Variants in RMND5B observed in about 807,000 individuals in gnomAD.
RMND5B encodes required for meiotic nuclear division 5 homolog B, also known as E3 ubiquitin-protein transferase RMND5B.
Under a neutral mutation model 50.4 loss-of-function variants are expected in RMND5B, and 42 were observed. The observed-to-expected ratio is 0.83, with a 90% confidence interval of 0.65 to 1.08. RMND5B has a LOEUF of 1.08. Ranked by LOEUF, RMND5B falls within the 50% of genes least tolerant of loss-of-function variation. RMND5B has a pLI of 0.00. For missense variants in RMND5B, 463 were observed against 508.5 expected (o/e 0.91, Z 0.86); for synonymous variants, 220 against 210.0 (o/e 1.05, Z -0.41).
chr5:178,131,639 GGTCA>G (rs1160332301), intron 2 of RMND5B, among the ~76,000 whole-genome samples: 2 of 152,174 alleles, frequency 1.3e-5, no homozygotes, highest in East Asian at 1.9e-4. Context: ...GGGGCGGAGG[GGTCA>G]GTATTAGATA....
Position 178,144,042 on chromosome 5 carries a change from G to A in RMND5B, c.628G>A (p.Ala210Thr), listed in dbSNP as rs369617974. ...CATCCGCCTCTTGGCAGGAGGCCCC[G>A]CGAAGCAGCTGGAGGCCCTCAGCTA... ...HFIRLLAGGP[A>T]KQLEALSYAR... Residue 210 changes from alanine to threonine, a missense_variant, in exon 7 of 11, where the codon GCG (alanine) becomes ACG (threonine). Transcript: ENST00000313386. 2.5e-5 allele frequency: 40 copies of A among 1,614,104 alleles called. No individual in the cohort carries two copies. The highest frequency in any genetic ancestry group is 4.5e-5 in the East Asian group (2 of 44,898).
chr5:178,144,907 C>A (rs1755906295), intron 7 of RMND5B, among the ~76,000 whole-genome samples: 1 of 152,104 alleles, frequency 6.6e-6, no homozygotes. Flanking sequence ...CTCTTCCTGT[C>A]ATGCTAGAAT....
At chr5:178,145,980 C>A in intron 7 of RMND5B, 134 bp from the exon 8 acceptor site, 1 of 854,110 alleles carries the variant, frequency 1.2e-6, no homozygotes, top group Non-Finnish European at 1.7e-6. Flanking sequence ...ATTTTCATCC[C>A]TGCTCAGTCT....
In RMND5B at chr5:178,142,846, C is replaced by G; in HGVS notation, c.286-6C>G. 1.2e-6 allele frequency: 2 copies of G among 1,614,090 alleles called. No homozygotes were observed. The highest frequency in any genetic ancestry group is 1.7e-6 in the Non-Finnish European group (2 of 1,179,962). On this transcript the variant is annotated splice_region_variant and splice_polypyrimidine_tract_variant and intron_variant, in intron 4 of 10. Coordinates refer to ENST00000313386, the MANE Select transcript of RMND5B (RefSeq NM_022762.5). Reference sequence around the variant, plus strand: ...TCACCAGGCCCTGTCTCTCCTCCTTCGTCAGAACTTCGACTCTGAGATCTG... The same window carrying G: ...TCACCAGGCCCTGTCTCTCCTCCTTGGTCAGAACTTCGACTCTGAGATCTG...
intron 2 of RMND5B, among the ~76,000 whole-genome samples, chr5:178,134,848 G>T (rs958111275): frequency 6.6e-6 from 1 of 151,036 alleles, no homozygotes; most frequent in Non-Finnish European, 1.5e-5. Flanking sequence ...GTGTGGTGGT[G>T]CACCTGTAAT....
chr5:178,147,591 C>G lies in RMND5B; in HGVS notation c.919C>G (p.Gln307Glu), dbSNP rs774597195. Residue 307 changes from glutamine (Q) to glutamate (E), a missense_variant, in exon 9 of 11, where the codon CAG becomes GAG. Physicochemically the swap from Gln to Glu is conservative, Grantham distance 29. Coordinates refer to ENST00000313386, the MANE Select transcript of RMND5B (RefSeq NM_022762.5). ...GATGAACATCAAGGCTGTGATTGAG[C>G]AGCGGCAGTGCACTGGGGTCTGGAA... ...VLMNIKAVIEQRQCTGVWNHK... is the reference protein window; with the variant it reads ...VLMNIKAVIEERQCTGVWNHK... 1 of 1,614,124 alleles carries G rather than the reference C, an allele frequency of 6.2e-7. No homozygotes were observed. The highest frequency in any genetic ancestry group is 8.5e-7 in the Non-Finnish European group (1 of 1,179,994).
intron 8 of RMND5B, chr5:178,147,229 T>C (rs1756060126): frequency 5.0e-6 from 2 of 403,386 alleles, no homozygotes; most frequent in Non-Finnish European, 9.0e-6. Flanking sequence ...CTGCTCACTG[T>C]TCCCTAGTCA....
chr5:178,146,933 C>T (rs575161541), intron 8 of RMND5B: 30 of 158,884 alleles, frequency 1.9e-4, no homozygotes, highest in Non-Finnish European at 3.5e-4. Flanking sequence ...ACTGATTCTA[C>T]GCTCATCTGA....
Position 178,149,673 on chromosome 5 carries a change from T to C in RMND5B, c.*1641T>C, listed in dbSNP as rs368990230. ...GCCAGTCGTCCTGCTGCCAGCCCAATAGCTTCCAGCGGCAGGTGCCCAGGT... is the reference window on the plus strand; with the variant it reads ...GCCAGTCGTCCTGCTGCCAGCCCAACAGCTTCCAGCGGCAGGTGCCCAGGT... On this transcript the variant is annotated 3_prime_UTR_variant, in exon 11 of 11. Transcript: ENST00000313386. 420 of 1,611,738 alleles carry C rather than the reference T, an allele frequency of 2.6e-4. 1 individual carries two copies. The highest frequency in any genetic ancestry group is 1.9e-3 in the Middle Eastern group (10 of 5,162).
At chr5:178,144,687 C>A (rs1755886672) in intron 7 of RMND5B, among the ~76,000 whole-genome samples, 1 of 144,570 alleles carries the variant, frequency 6.9e-6, no homozygotes, top group African/African-American at 2.6e-5. Flanking sequence ...CCACTGCACT[C>A]CAGCCTGGGT....
At position 178,138,904 on chromosome 5, in the gene RMND5B, T is replaced by A. The variant is rs1758766398; in HGVS notation, c.139+646T>A. 6.6e-6 allele frequency among the ~76,000 whole-genome samples: 1 copy of A among 152,152 alleles called. No homozygotes were observed. The highest frequency in any genetic ancestry group is 2.4e-5 in the African/African-American group (1 of 41,448). The stretch of plus-strand genomic sequence containing the variant: ...CTCTTACATAAAAACAGCGTAGTTA[T>A]TAAAACCCAGAAATTGCCAGGCACA... On this transcript the variant is annotated intron_variant, in intron 3 of 10. Transcript: ENST00000313386. The surrounding 1 kb of genome is among the most constrained non-coding windows in gnomAD (Gnocchi z 5.1).
rs1758738671 is a variant in RMND5B, at chr5:178,138,468, C to A, written c.139+210C>A. The A allele has an allele frequency of 1.5e-6, 2 of 1,297,240 alleles. No homozygotes were observed. Among genetic ancestry groups the A allele is most frequent in the Non-Finnish European group, 1.0e-6 (1 of 1,001,764 alleles). 80.4% of individuals were successfully genotyped at this position (1,297,240 alleles called of 1,614,324 possible). A position where few individuals can be genotyped will look rare whatever the true frequency, so the allele number is the denominator to read the frequency against. ...ATTTACCTGAGATGATTCCCATTTA[C>A]ATTTTGTTTTCAACTTACTTTTCTA... On this transcript the variant is annotated intron_variant, in intron 3 of 10. Coordinates refer to ENST00000313386, the MANE Select transcript of RMND5B (RefSeq NM_022762.5). This position sits in a 1 kb window ranked among gnomAD's most constrained non-coding sequence, Gnocchi z 5.1.
intron 2 of RMND5B, among the ~76,000 whole-genome samples, chr5:178,132,739 T>TA: frequency 1.0e-5 from 1 of 99,820 alleles, no homozygotes; most frequent in Admixed American, 9.7e-5. Flanking sequence ...GTCTCTCTCT[T>TA]TTTTTTTTTT....
rs185760737 is a variant in RMND5B at position 178,132,330 on chromosome 5, A to G, written c.-13+954A>G. 1.7e-3 allele frequency among the ~76,000 whole-genome samples: 265 copies of G among 152,178 alleles called. 1 individual carries two copies. Among genetic ancestry groups the G allele is most frequent in the African/African-American group, 6.0e-3 (250 of 41,514 alleles). ...GTGGCAGGTGTCTGTAATTCCAGCT[A>G]CTTGGGAGGCTGAGGCAGGAGAATC... is the stretch of plus-strand genomic sequence containing the variant. On this transcript the variant is annotated intron_variant, in intron 2 of 10. Transcript: ENST00000313386.
In RMND5B at chr5:178,148,511, A is replaced by G; in HGVS notation, c.*479A>G. The G allele has an allele frequency of 5.5e-6, 1 of 180,394 alleles. No homozygotes were observed. The highest frequency in any genetic ancestry group is 1.3e-4 in the South Asian group (1 of 7,720). The allele number at this position is 180,394 out of a possible 1,614,324, so 11.2% of individuals were successfully genotyped here. ...TCTCCCACTGTAAATAGTCCCAGTTAGAACGGAATGCCGTTGTTTTATAAC... is the reference window on the plus strand; with the variant it reads ...TCTCCCACTGTAAATAGTCCCAGTTGGAACGGAATGCCGTTGTTTTATAAC... On this transcript the variant is annotated 3_prime_UTR_variant, in exon 11 of 11. Transcript: ENST00000313386.
rs766232502 is a variant in RMND5B at position 178,148,447 on chromosome 5, C to T, written c.*415C>T. The stretch of plus-strand genomic sequence containing the variant: ...GGCCCAAGAGTGTCCAGCGGTGGCC[C>T]ACCTCTTCCTCCCACTACAGCCTCA... On this transcript the variant is annotated 3_prime_UTR_variant, in exon 11 of 11. Coordinates refer to ENST00000313386, the MANE Select transcript of RMND5B (RefSeq NM_022762.5). 3 of 258,858 alleles carry T rather than the reference C, an allele frequency of 1.2e-5. No individual in the cohort carries two copies. Among genetic ancestry groups the T allele is most frequent in the Admixed American group, 5.0e-5 (1 of 19,942 alleles). 16.0% of individuals were successfully genotyped at this position (258,858 alleles called of 1,614,324 possible). A position where few individuals can be genotyped will look rare whatever the true frequency, so the allele number is the denominator to read the frequency against.
In RMND5B at chr5:178,148,746, C is replaced by T. The variant is rs967779452; in HGVS notation, c.*714C>T. ...TGCGGGGAGCTTAGATGTCAGACCCCGGGCAAGGTGCTTTTACATATACCC... is the reference window on the plus strand; with the variant it reads ...TGCGGGGAGCTTAGATGTCAGACCCTGGGCAAGGTGCTTTTACATATACCC... On this transcript the variant is annotated 3_prime_UTR_variant, in exon 11 of 11. Transcript: ENST00000313386. 3.9e-5 allele frequency: 6 copies of T among 152,760 alleles called. No homozygotes were observed. The highest frequency in any genetic ancestry group is 9.7e-5 in the African/African-American group (4 of 41,446). The allele number at this position is 152,760 out of a possible 1,614,324, so 9.5% of individuals were successfully genotyped here.
In RMND5B at chr5:178,143,947, C is replaced by T. The variant is rs147930447; in HGVS notation, c.533C>T (p.Ala178Val). 6.2e-7 allele frequency: 1 copy of T among 1,614,138 alleles called. No individual in the cohort carries two copies. The change falls in exon 7 of 11, where the codon GCC becomes GTC. Residue 178 changes from alanine to valine, a missense_variant. Ala to Val is a moderately conservative substitution (Grantham distance 64). Transcript: ENST00000313386. ...EQDLGPALEWAVSHRQRLLEL... is the reference protein window; with the variant it reads ...EQDLGPALEWVVSHRQRLLEL... ...ACTGGCCCCTTTCTTCCCAGATGGG[C>T]CGTCTCCCACAGGCAGCGCCTGCTG...
At chr5:178,146,059 G>A (rs1755984496) in intron 7 of RMND5B, 55 bp from the exon 8 acceptor site, 1 of 1,585,098 alleles carries the variant, frequency 6.3e-7, no homozygotes, top group Non-Finnish European at 8.6e-7. Flanking sequence ...TGCCCGCTTG[G>A]GGGTGGACCC....
Sources: allele counts gnomAD v4.1 joint callset (sites outside exome capture counted in the v4.1 genomes callset), GRCh38; gene constraint gnomAD v4.1.1; non-coding constraint Gnocchi (gnomAD v3.1); transcripts MANE v1.5; gene names NCBI Gene and HGNC (gene_info 2026-07-23, HGNC 2026-07-21).